The following ANKRD17 variants were observed in gnomAD, a reference collection of about 807,000 sequenced individuals.
ANKRD17 encodes ankyrin repeat domain 17, also known as ankyrin repeat domain-containing protein 17.
A neutral mutation model predicts 229.7 loss-of-function variants in ANKRD17; 19 were observed. The observed-to-expected ratio is 0.08, with a 90% CI of 0.06 to 0.12. The LOEUF is 0.12. Among genes scored for constraint, ANKRD17 ranks in the 10% least tolerant of loss-of-function variants. The pLI is 1.00. For missense variants in ANKRD17, 2,176 were observed against 3,176.8 expected, an observed-to-expected ratio of 0.68 and a Z score of 7.57; for synonymous variants, 1,112 against 1,146.1, an observed-to-expected ratio of 0.97 and a Z score of 0.60.
In ANKRD17 at chr4:73,162,308, C is replaced by A. The variant is rs1484321507; in HGVS notation, c.548-960G>T. Among the ~76,000 whole-genome samples, 4 of 152,216 alleles carry A rather than the reference C, an allele frequency of 2.6e-5. No individual in the cohort carries two copies. In the East Asian group the frequency reaches 7.7e-4, roughly 29 times the overall value. ...TAAGGAATCCTCCGGCCTCAGCATG[C>A]CAAAGTACTGGGATTATAGGTGTGA... is the stretch of plus-strand genomic sequence containing the variant. On this transcript the variant is annotated intron_variant, in intron 2 of 33. Transcript: ENST00000358602.
At chr4:73,131,157 T>C (rs1485668932) in intron 16 of ANKRD17, among the ~76,000 whole-genome samples, 1 of 152,204 alleles carries the variant, frequency 6.6e-6, no homozygotes, top group East Asian at 1.9e-4. Context: ...CTTAAAAGTT[T>C]TGAAAATACC....
chr4:73,079,842 C>T (rs1261012997), intron 30 of ANKRD17, among the ~76,000 whole-genome samples: 7 of 151,852 alleles, frequency 4.6e-5, no homozygotes, highest in East Asian at 3.9e-4. Context: ...TGGCCGGGCG[C>T]GGTGGCACAC....
At chr4:73,127,887 G>C (rs1162764564) in intron 16 of ANKRD17, among the ~76,000 whole-genome samples, 1 of 152,040 alleles carries the variant, frequency 6.6e-6, no homozygotes, top group African/African-American at 2.4e-5. Context: ...AAAAACAAAA[G>C]ACAAAAGGCA....
chr4:73,109,166 G>A (rs1724997527), intron 24 of ANKRD17, among the ~76,000 whole-genome samples: 1 of 152,118 alleles, frequency 6.6e-6, no homozygotes, highest in Non-Finnish European at 1.5e-5. Context: ...AGGGCATGGT[G>A]GCCCATACCT....
At chr4:73,197,025 A>G (rs1306849563) in intron 1 of ANKRD17, among the ~76,000 whole-genome samples, 5 of 152,120 alleles carry the variant, frequency 3.3e-5, no homozygotes, top group Non-Finnish European at 7.3e-5. Context: ...TATTTGGTTA[A>G]TGATAGTCTG....
intron 2 of ANKRD17, among the ~76,000 whole-genome samples, chr4:73,174,274 T>C (rs548371297): frequency 6.6e-6 from 1 of 152,144 alleles, no homozygotes; most frequent in South Asian, 2.1e-4. Context: ...CAGAGATGGT[T>C]TAACACATGC....
rs112880481 is a variant in ANKRD17 at position 73,231,526 on chromosome 4, T to C, written c.393+26750A>G. On this transcript the variant is annotated intron_variant, in intron 1 of 33. Transcript: ENST00000358602. ...CAAGCAATTATTTAAAGATGTAACT[T>C]TTGCAAGCAATTATTTAAAGTACCA... is the stretch of plus-strand genomic sequence containing the variant. Among the ~76,000 whole-genome samples the C allele has an allele frequency of 2.5e-3, 377 of 152,326 alleles. 2 individuals are homozygous for C. Among genetic ancestry groups the C allele is most frequent in the South Asian group, 0.016 (77 of 4,826 alleles).
At chr4:73,257,602 G>GAA (rs1745572522) in intron 1 of ANKRD17, among the ~76,000 whole-genome samples, 4 of 152,172 alleles carry the variant, frequency 2.6e-5, no homozygotes, top group Admixed American at 1.3e-4. Context: ...ATGGTCATTT[G>GAA]TAATTATTTA....
intron 6 of ANKRD17, among the ~76,000 whole-genome samples, chr4:73,153,111 T>C (rs1049604526): frequency 1.3e-5 from 2 of 152,116 alleles, no homozygotes; most frequent in Non-Finnish European, 2.9e-5. Flanking sequence ...GCCACTCACA[T>C]GTAAGCTTGT....
intron 1 of ANKRD17, among the ~76,000 whole-genome samples, chr4:73,199,295 A>T (rs1738334450): frequency 6.6e-6 from 1 of 151,754 alleles, no homozygotes; most frequent in Non-Finnish European, 1.5e-5. Context: ...AAAGTAAAAG[A>T]ACAAAAAAGG....
intron 11 of ANKRD17, among the ~76,000 whole-genome samples, chr4:73,144,262 T>G (rs941732588): frequency 2.6e-5 from 4 of 152,222 alleles, no homozygotes. Flanking sequence ...ATGAAAATCC[T>G]CATGCAATTT....
intron 16 of ANKRD17, among the ~76,000 whole-genome samples, chr4:73,133,463 T>C (rs1449108720): frequency 1.4e-5 from 2 of 146,698 alleles, no homozygotes; most frequent in Non-Finnish European, 3.0e-5. Context: ...TGATCTCGGC[T>C]CACTGCAACC....
At chr4:73,253,342 G>A (rs1745192556) in intron 1 of ANKRD17, among the ~76,000 whole-genome samples, 1 of 152,142 alleles carries the variant, frequency 6.6e-6, no homozygotes, top group African/African-American at 2.4e-5. Context: ...CATTGCTCAC[G>A]CAGTACAGCA....
In ANKRD17 at chr4:73,121,684, C is replaced by T. The variant is rs753164914; in HGVS notation, c.3568G>A (p.Ala1190Thr). The T allele has an allele frequency of 1.2e-6, 2 of 1,613,588 alleles. No individual in the cohort carries two copies. The highest frequency in any genetic ancestry group is 2.7e-5 in the African/African-American group (2 of 74,882). ...ATGTTCACATAGCCACCAGAAGCAG[C>T]CAGACTTAGAGGTGTGTAATCAGAA... The part of the protein sequence containing the change: ...NVSDYTPLSL[A>T]ASGGYVNIIK... The change falls in exon 19 of 34, where the codon GCT (alanine) becomes ACT (threonine). Residue 1190 changes from alanine (A) to threonine (T), a missense_variant. Ala to Thr is a moderately conservative substitution (Grantham distance 58). This residue lies in a region of ANKRD17 where 178 missense variants were observed against 421.7 expected (regional missense o/e 0.42). Transcript: ENST00000358602.
chr4:73,236,659 GA>G (rs776984213), intron 1 of ANKRD17, among the ~76,000 whole-genome samples: 25 of 147,328 alleles, frequency 1.7e-4, no homozygotes, highest in African/African-American at 6.0e-4. Flanking sequence ...TCCTGACTGG[GA>G]AAAAAAAAAT....
intron 3 of ANKRD17, 139 bp from the exon 4 acceptor site, chr4:73,156,305 A>T: frequency 9.6e-7 from 1 of 1,036,300 alleles, no homozygotes; most frequent in Non-Finnish European, 1.3e-6. Context: ...GGGTACAGTG[A>T]TGCAATCAGC....
chr4:73,210,532 C>G (rs1170016791), intron 1 of ANKRD17, among the ~76,000 whole-genome samples: 1 of 152,064 alleles, frequency 6.6e-6, no homozygotes, highest in Non-Finnish European at 1.5e-5. Flanking sequence ...CTGATATGGC[C>G]AAGAAGCCAC....
chr4:73,124,011 GA>G (rs199765935), intron 18 of ANKRD17, among the ~76,000 whole-genome samples: 13 of 146,764 alleles, frequency 8.9e-5, no homozygotes, highest in African/African-American at 1.8e-4. Context: ...GTGACTTCAG[GA>G]AAAAAAAAAT....
intron 24 of ANKRD17, among the ~76,000 whole-genome samples, chr4:73,106,793 C>T (rs957806846): frequency 3.5e-5 from 5 of 144,112 alleles, no homozygotes; most frequent in African/African-American, 1.0e-4. Context: ...GCAGGAGAAT[C>T]GCTTGAACCC....
Sources: allele counts gnomAD v4.1 joint callset (sites outside exome capture counted in the v4.1 genomes callset), GRCh38; gene constraint gnomAD v4.1.1; regional missense constraint gnomAD v4.1.1; transcripts MANE v1.5; gene names NCBI Gene and HGNC (gene_info 2026-07-23, HGNC 2026-07-21).